Variants in KSR2 observed in about 807,000 individuals in gnomAD.
The protein encoded by KSR2 is kinase suppressor of ras 2.
Under a neutral mutation model 107.8 loss-of-function variants are expected in KSR2, and 25 were observed. The ratio of observed to expected loss-of-function variants is 0.23; its 90% CI spans 0.17 to 0.32. KSR2 has a LOEUF of 0.32. Among genes scored for constraint, KSR2 ranks in the 10% least tolerant of loss-of-function variants. KSR2 has a pLI of 1.00. For synonymous variants in KSR2, 480 were observed against 507.0 expected, an observed-to-expected ratio of 0.95 and a Z score of 0.71; for missense variants, 887 against 1,268.9, an observed-to-expected ratio of 0.70 and a Z score of 4.57.
At chr12:117,955,879 C>T (rs1249560214) in intron 1 of KSR2, among the ~76,000 whole-genome samples, 1 of 150,306 alleles carries the variant, frequency 6.7e-6, no homozygotes, top group African/African-American at 2.4e-5. Flanking sequence ...AAAGTACATA[C>T]AGGTGAAATT....
chr12:117,965,863 C>G (rs529439021), intron 1 of KSR2, among the ~76,000 whole-genome samples: 38 of 152,276 alleles, frequency 2.5e-4, no homozygotes, highest in African/African-American at 8.9e-4. Context: ...TAGAAAATTC[C>G]GTGGACCCAA....
chr12:117,911,185 C>A (rs1027932621), intron 1 of KSR2, among the ~76,000 whole-genome samples: 1 of 151,980 alleles, frequency 6.6e-6, no homozygotes, highest in Non-Finnish European at 1.5e-5. Context: ...CACACACACA[C>A]ACACACACAC....
In KSR2 at chr12:117,724,595, C is replaced by T. The variant is rs537368449; in HGVS notation, c.986+36416G>A. ...AAAAACCTGCCCCCCCACCCCCGGC[C>T]GCCTGCAGTTCTGGACTGTTGGATG... On this transcript the variant is annotated intron_variant, in intron 4 of 19. Transcript: ENST00000339824. Among the ~76,000 whole-genome samples the T allele has an allele frequency of 2.2e-3, 326 of 149,982 alleles. 1 individual carries two copies. The highest frequency in any genetic ancestry group is 3.5e-3 in the Non-Finnish European group (239 of 67,480).
intron 1 of KSR2, among the ~76,000 whole-genome samples, chr12:117,876,823 C>G (rs1893869957): frequency 6.6e-6 from 1 of 150,792 alleles, no homozygotes; most frequent in South Asian, 2.1e-4. Flanking sequence ...TATCCCTTAT[C>G]CGAAATACTT....
chr12:117,828,191 C>T (rs572383103), intron 3 of KSR2, among the ~76,000 whole-genome samples: 1 of 152,140 alleles, frequency 6.6e-6, no homozygotes, highest in Non-Finnish European at 1.5e-5. Flanking sequence ...TACCCAGTGT[C>T]CGGTATGCAG....
At chr12:117,706,887 T>G (rs1886550360) in intron 4 of KSR2, among the ~76,000 whole-genome samples, 1 of 152,272 alleles carries the variant, frequency 6.6e-6, no homozygotes, top group African/African-American at 2.4e-5. Flanking sequence ...TGGAAAAATA[T>G]GTCCACACAA....
At chr12:117,936,746 C>T (rs1895861702) in intron 1 of KSR2, among the ~76,000 whole-genome samples, 1 of 152,144 alleles carries the variant, frequency 6.6e-6, no homozygotes, top group African/African-American at 2.4e-5. Context: ...TCTCCCCCAC[C>T]TAGAATGTGA....
chr12:117,930,095 A>G (rs1301540309), intron 1 of KSR2, among the ~76,000 whole-genome samples: 1 of 151,788 alleles, frequency 6.6e-6, no homozygotes, highest in African/African-American at 2.4e-5. Flanking sequence ...CCCAGGCTGG[A>G]GGGCCTCAAC....
intron 3 of KSR2, among the ~76,000 whole-genome samples, chr12:117,839,762 T>G (rs1337827307): frequency 6.6e-6 from 1 of 152,068 alleles, no homozygotes; most frequent in Non-Finnish European, 1.5e-5. Context: ...GCCCAGAAAG[T>G]TTTTCCTTTT....
intron 6 of KSR2, among the ~76,000 whole-genome samples, chr12:117,581,676 G>A (rs958755024): frequency 6.6e-6 from 1 of 152,110 alleles, no homozygotes; most frequent in Non-Finnish European, 1.5e-5. Context: ...TCTTATAAGG[G>A]ATGCCTGGTA....
chr12:117,758,984 A>T (rs1323441931), intron 4 of KSR2, among the ~76,000 whole-genome samples: 1 of 152,164 alleles, frequency 6.6e-6, no homozygotes, highest in Non-Finnish European at 1.5e-5. Context: ...AGGTTTCAGC[A>T]GGCCCCAATC....
intron 4 of KSR2, among the ~76,000 whole-genome samples, chr12:117,756,039 T>C (rs1012288611): frequency 3.9e-5 from 6 of 152,086 alleles, no homozygotes; most frequent in Admixed American, 6.6e-5. Context: ...CAGAAGAAAA[T>C]GTGGACACCA....
chr12:117,781,858 G>A (rs538059888), intron 3 of KSR2, among the ~76,000 whole-genome samples: 103 of 152,270 alleles, frequency 6.8e-4, no homozygotes, highest in African/African-American at 2.4e-3. Flanking sequence ...AGATGCTGCC[G>A]AACCCAGAGA....
At chr12:117,799,124 G>A (rs547530281) in intron 3 of KSR2, among the ~76,000 whole-genome samples, 5 of 152,346 alleles carry the variant, frequency 3.3e-5, no homozygotes, top group African/African-American at 9.6e-5. Flanking sequence ...TATTTGGTGT[G>A]ATGAATATGT....
chr12:117,539,671 T>C, intron 10 of KSR2, 48 bp downstream of exon 10: 1 of 1,491,450 alleles, frequency 6.7e-7, no homozygotes, highest in Non-Finnish European at 9.0e-7. Flanking sequence ...CCCTAATCTC[T>C]GCCCCTCCAA....
chr12:117,483,724 TA>T (rs1872302734), intron 16 of KSR2, among the ~76,000 whole-genome samples: 1 of 152,200 alleles, frequency 6.6e-6, no homozygotes, highest in African/African-American at 2.4e-5. Context: ...TAATGATGGT[TA>T]ATGATTCTCC....
chr12:117,629,788 G>T (rs924376780), intron 5 of KSR2, among the ~76,000 whole-genome samples: 4 of 152,210 alleles, frequency 2.6e-5, no homozygotes, highest in African/African-American at 9.6e-5. Flanking sequence ...GAACCAATGT[G>T]TAAGTCTGTG....
chr12:117,573,433 C>A (rs1325381529), intron 7 of KSR2, among the ~76,000 whole-genome samples: 2 of 151,920 alleles, frequency 1.3e-5, no homozygotes, highest in African/African-American at 2.4e-5. Flanking sequence ...ACAACTGATA[C>A]TCCAGGGAGC....
chr12:117,769,314 C>A (rs1299423019), intron 3 of KSR2, among the ~76,000 whole-genome samples: 1 of 152,018 alleles, frequency 6.6e-6, no homozygotes, highest in East Asian at 1.9e-4. Flanking sequence ...AGTAAACATC[C>A]CATGACCCTG....
Sources: allele counts gnomAD v4.1 joint callset (sites outside exome capture counted in the v4.1 genomes callset), GRCh38; gene constraint gnomAD v4.1.1; transcripts MANE v1.5; gene names NCBI Gene and HGNC (gene_info 2026-07-23, HGNC 2026-07-21).